The following RAB36 variants were observed in gnomAD, a reference collection of about 807,000 sequenced individuals.
RAB36 encodes the protein RAB36, member RAS oncogene family.
A neutral mutation model predicts 39.3 loss-of-function variants in RAB36; 33 were observed. The ratio of observed to expected loss-of-function variants is 0.84; its 90% CI spans 0.64 to 1.12. RAB36 has a LOEUF of 1.12. RAB36 is among the 50% of genes most tolerant of loss of function. The probability of loss-of-function intolerance (pLI) is 0.00; values close to 1 mark genes in which losing one functional copy is unlikely to be tolerated. For missense variants in RAB36, 308 were observed against 355.3 expected (o/e 0.87, Z 1.07); for synonymous variants, 133 against 140.2 (o/e 0.95, Z 0.36).
intron 3 of RAB36, among the ~76,000 whole-genome samples, chr22:23,151,054 A>C (rs1326276599): frequency 6.6e-6 from 1 of 152,250 alleles, no homozygotes; most frequent in Non-Finnish European, 1.5e-5. Flanking sequence ...CCCTCTTCCT[A>C]AGGAGCTCAT....
downstream of RAB36, among the ~76,000 whole-genome samples, chr22:23,167,452 C>A (rs2072070490): frequency 6.6e-6 from 1 of 152,186 alleles, no homozygotes; most frequent in African/African-American, 2.4e-5. Flanking sequence ...GGGTGCCTGC[C>A]TGCCTCCCCC....
chr22:23,146,633 C>T lies in RAB36; in HGVS notation c.17C>T (p.Thr6Ile). The stretch of plus-strand genomic sequence containing the variant: ...TGTGGAAGAATGAGGTCCTCCCTGA[C>T]ACCTTTGGGGCCCCCTGTGAGCCGC... MRSSL[T>I]PLGPPVSRDR... Residue 6 changes from threonine (T) to isoleucine (I), a missense_variant, in exon 2 of 11, where the codon ACA (threonine) becomes ATA (isoleucine). Thr to Ile is a moderately conservative substitution (Grantham distance 89). Coordinates refer to ENST00000263116, the MANE Select transcript of RAB36 (RefSeq NM_004914.5). 1 of 1,614,146 alleles carries T rather than the reference C, an allele frequency of 6.2e-7. No homozygotes were observed. Among genetic ancestry groups the T allele is most frequent in the South Asian group, 1.1e-5 (1 of 91,082 alleles).
intron 1 of RAB36, chr22:23,145,947 C>A (rs760982024): frequency 3.0e-6 from 3 of 984,160 alleles, no homozygotes; most frequent in East Asian, 1.1e-4. Flanking sequence ...CTAGAGCCTT[C>A]GTCCTTTGCA....
At chr22:23,161,214 C>T (rs927634166) in intron 10 of RAB36, among the ~76,000 whole-genome samples, 7 of 152,216 alleles carry the variant, frequency 4.6e-5, no homozygotes, top group Non-Finnish European at 7.3e-5. Flanking sequence ...TCCCTGTTCT[C>T]CTGACACATG....
At chr22:23,148,329 C>T (rs967320460) in intron 2 of RAB36, among the ~76,000 whole-genome samples, 10 of 152,136 alleles carry the variant, frequency 6.6e-5, no homozygotes, top group African/African-American at 2.4e-4. Flanking sequence ...AGAGACTGGT[C>T]TTTCTTGAGT....
At position 23,161,665 on chromosome 22, in the gene RAB36, C is replaced by T. The variant is rs2071814970; in HGVS notation, c.*101C>T. On this transcript the variant is annotated 3_prime_UTR_variant, in exon 11 of 11. Transcript: ENST00000263116. The stretch of plus-strand genomic sequence containing the variant: ...GGAGCCCAAGCTCTGCAGCGTGTCG[C>T]CCTCAAGCTGTAGGCCCATGTTCCA... 1.8e-6 allele frequency: 2 copies of T among 1,089,220 alleles called. No individual in the cohort carries two copies. Among genetic ancestry groups the T allele is most frequent in the Admixed American group, 4.3e-5 (2 of 46,316 alleles). The allele number at this position is 1,089,220 out of a possible 1,614,324, so 67.5% of individuals were successfully genotyped here.
downstream of RAB36, among the ~76,000 whole-genome samples, chr22:23,166,714 C>T (rs540581138): frequency 7.2e-5 from 11 of 152,114 alleles, no homozygotes; most frequent in African/African-American, 1.9e-4. Flanking sequence ...CAGCCTCACA[C>T]GATGTTGTTA....
At chr22:23,152,317 C>T in intron 3 of RAB36, 144 bp from the exon 4 acceptor site, 1 of 782,170 alleles carries the variant, frequency 1.3e-6, no homozygotes, top group Non-Finnish European at 2.2e-6. Context: ...AGGGGGAACA[C>T]AGTGTCTCAG....
Position 23,162,955 on chromosome 22 carries a change from AG to A in RAB36, c.*1393del, listed in dbSNP as rs2071894054. 1 of 338,632 alleles carries A rather than the reference AG, an allele frequency of 3.0e-6. No individual in the cohort carries two copies. Among genetic ancestry groups the A allele is most frequent in the Non-Finnish European group, 5.8e-6 (1 of 173,548 alleles). The allele number at this position is 338,632 out of a possible 1,614,324, so 21.0% of individuals were successfully genotyped here. A position where few individuals can be genotyped will look rare whatever the true frequency, so the allele number is the denominator to read the frequency against. Reference sequence around the variant, plus strand: ...AGATGGAGTTTCACCCTTGTTGCCCAGGCTGGAGTGCAATGGCGTAATCTCG... The same window carrying A: ...AGATGGAGTTTCACCCTTGTTGCCCAGCTGGAGTGCAATGGCGTAATCTCG... On this transcript the variant is annotated 3_prime_UTR_variant, in exon 11 of 11. Coordinates refer to ENST00000263116, the MANE Select transcript of RAB36 (RefSeq NM_004914.5).
At position 23,163,914 on chromosome 22, in the gene RAB36, T is replaced by C. The variant is rs2071958862; in HGVS notation, c.*2350T>C. 1 of 152,242 alleles carries C rather than the reference T, an allele frequency of 6.6e-6. No individual in the cohort carries two copies. The highest frequency in any genetic ancestry group is 2.4e-5 in the African/African-American group (1 of 41,462). 9.4% of individuals were successfully genotyped at this position (152,242 alleles called of 1,614,324 possible). On this transcript the variant is annotated 3_prime_UTR_variant, in exon 11 of 11. Coordinates refer to ENST00000263116, the MANE Select transcript of RAB36 (RefSeq NM_004914.5). The stretch of plus-strand genomic sequence containing the variant: ...TTCCTGTAGCAGCGCCCAGTTTTCA[T>C]GTGGATGGATTGTAGTTCATTTGAC...
At chr22:23,149,510 T>C (rs1402010055) in intron 2 of RAB36, among the ~76,000 whole-genome samples, 1 of 152,158 alleles carries the variant, frequency 6.6e-6, no homozygotes, top group Non-Finnish European at 1.5e-5. Context: ...TGTATGCATG[T>C]TTTTAAAACA....
intron 9 of RAB36, among the ~76,000 whole-genome samples, 171 bp downstream of exon 9, chr22:23,159,424 T>C (rs907025565): frequency 6.6e-5 from 10 of 152,202 alleles, no homozygotes; most frequent in African/African-American, 2.2e-4. Flanking sequence ...AGCACTTTCA[T>C]TGCCTAAGAG....
intron 6 of RAB36, 75 bp downstream of exon 6, chr22:23,156,107 C>G: frequency 7.9e-7 from 1 of 1,258,756 alleles, no homozygotes; most frequent in Non-Finnish European, 1.1e-6. Flanking sequence ...GTGGGAATCC[C>G]GAGTTCTCTG....
rs754611884 is a variant in RAB36 at position 23,153,163 on chromosome 22, G to A, written c.329+29G>A. 3.1e-5 allele frequency: 49 copies of A among 1,558,970 alleles called. 1 individual carries two copies. The South Asian group carries it at 5.4e-4, about 17-fold the overall frequency. On this transcript the variant is annotated intron_variant, in intron 5 of 10. Transcript: ENST00000263116. ...AGTTGCTGGTTCCCCCATGGCTCGTGGGCAGCTTCCTACAGGCACCTGAGA... is the reference window on the plus strand; with the variant it reads ...AGTTGCTGGTTCCCCCATGGCTCGTAGGCAGCTTCCTACAGGCACCTGAGA...
At chr22:23,145,870 G>C (rs1177859727) in intron 1 of RAB36, 1 of 603,328 alleles carries the variant, frequency 1.7e-6, no homozygotes, top group Non-Finnish European at 2.1e-6. Context: ...GGAGTCAGAG[G>C]CCTGGTGAAG....
At chr22:23,155,652 T>C (rs1269836192) in intron 5 of RAB36, among the ~76,000 whole-genome samples, 1 of 152,236 alleles carries the variant, frequency 6.6e-6, no homozygotes, top group Non-Finnish European at 1.5e-5. Context: ...GAGTCATGTC[T>C]TGGGCCGTAT....
At chr22:23,160,748 G>T in intron 9 of RAB36, 131 bp from the exon 10 acceptor site, 1 of 1,290,678 alleles carries the variant, frequency 7.7e-7, no homozygotes, top group Non-Finnish European at 1.1e-6. Flanking sequence ...TGGGGTCATT[G>T]TTACTGTCAG....
chr22:23,166,656 A>T (rs886164258), downstream of RAB36, among the ~76,000 whole-genome samples: 1 of 152,174 alleles, frequency 6.6e-6, no homozygotes, highest in South Asian at 2.1e-4. Context: ...CCCCAGCACC[A>T]GCCTACTAAG....
chr22:23,149,673 G>A (rs2070992615), intron 2 of RAB36, among the ~76,000 whole-genome samples: 1 of 152,174 alleles, frequency 6.6e-6, no homozygotes, highest in Non-Finnish European at 1.5e-5. Context: ...CAGTATCTAG[G>A]ACCACAGGCA....
Sources: gnomAD v4.1 joint callset for allele counts (sites outside exome capture counted in the v4.1 genomes callset) on GRCh38, gnomAD v4.1.1 for gene constraint, MANE v1.5 for transcripts, NCBI Gene and HGNC (gene_info 2026-07-23, HGNC 2026-07-21) for gene names.